The following PLCB1 variants were observed in gnomAD, a reference collection of about 807,000 sequenced individuals.
The protein encoded by PLCB1 is 1-phosphatidylinositol 4,5-bisphosphate phosphodiesterase beta-1.
PLCB1 carries 46 observed loss-of-function variants against 161.8 expected under a neutral mutation model. The ratio of observed to expected loss-of-function variants is 0.28; its 90% CI spans 0.22 to 0.36. The LOEUF (loss-of-function observed/expected upper bound fraction) is 0.36, where lower values mean the gene tolerates loss of function less well. Ranked by LOEUF, PLCB1 falls within the 10% of genes least tolerant of loss-of-function variation. PLCB1 has a pLI of 1.00. For missense variants in PLCB1, 1,016 were observed against 1,472.5 expected, an observed-to-expected ratio of 0.69 and a Z score of 5.07; for synonymous variants, 517 against 503.7, an observed-to-expected ratio of 1.03 and a Z score of -0.35.
intron 3 of PLCB1, among the ~76,000 whole-genome samples, chr20:8,384,225 C>T (rs1987352661): frequency 6.6e-6 from 1 of 151,962 alleles, no homozygotes; most frequent in South Asian, 2.1e-4. Context: ...TGTTCCTTTT[C>T]ATTATTTTTT....
At position 8,609,910 on chromosome 20, in the gene PLCB1, C is replaced by A. The variant is rs542962543; in HGVS notation, c.247-18384C>A. Reference sequence around the variant, plus strand: ...TAGGGTGAATATCTGTATTTGCACACCAATAAATTAACCCTTCTAATGTAA... The same window carrying A: ...TAGGGTGAATATCTGTATTTGCACAACAATAAATTAACCCTTCTAATGTAA... On this transcript the variant is annotated intron_variant, in intron 3 of 31. Coordinates refer to ENST00000338037, the MANE Select transcript of PLCB1 (RefSeq NM_015192.4). 1.0e-3 allele frequency among the ~76,000 whole-genome samples: 157 copies of A among 152,156 alleles called. 1 individual carries two copies. The highest frequency in any genetic ancestry group is 3.7e-3 in the African/African-American group (154 of 41,504).
At chr20:8,256,697 T>C (rs963648127) in intron 2 of PLCB1, 4 of 152,004 alleles carry the variant, frequency 2.6e-5, no homozygotes, top group Admixed American at 1.3e-4. Context: ...AGTCAACTTA[T>C]CAGATGCTCT....
At chr20:8,242,641 A>G (rs1980680599) in intron 2 of PLCB1, among the ~76,000 whole-genome samples, 1 of 151,880 alleles carries the variant, frequency 6.6e-6, no homozygotes, top group Admixed American at 6.6e-5. Flanking sequence ...GGGATACATT[A>G]GTCGACTTAG....
chr20:8,708,163 T>C (rs1978795052), intron 11 of PLCB1, among the ~76,000 whole-genome samples: 1 of 152,136 alleles, frequency 6.6e-6, no homozygotes, highest in Non-Finnish European at 1.5e-5. Context: ...ACACTTTCAA[T>C]GGGCAGATTA....
At chr20:8,543,250 A>T (rs949174649) in intron 3 of PLCB1, among the ~76,000 whole-genome samples, 1 of 152,202 alleles carries the variant, frequency 6.6e-6, no homozygotes, top group Admixed American at 6.5e-5. Context: ...TTAATGGGAG[A>T]TTATGTAAGA....
At chr20:8,169,641 G>A (rs145363192) in intron 2 of PLCB1, among the ~76,000 whole-genome samples, 71 of 152,278 alleles carry the variant, frequency 4.7e-4, no homozygotes, top group African/African-American at 1.7e-3. Context: ...TCAGGTTGCA[G>A]ATAATACTGC....
At chr20:8,504,446 T>G (rs942985258) in intron 3 of PLCB1, among the ~76,000 whole-genome samples, 1 of 152,252 alleles carries the variant, frequency 6.6e-6, no homozygotes, top group Non-Finnish European at 1.5e-5. Context: ...AAATATTTTC[T>G]GAAAAATATA....
At chr20:8,703,583 G>C (rs1026789496) in intron 11 of PLCB1, among the ~76,000 whole-genome samples, 1 of 152,178 alleles carries the variant, frequency 6.6e-6, no homozygotes, top group Non-Finnish European at 1.5e-5. Flanking sequence ...GCAGAGAAGG[G>C]AACAGCAGAT....
At chr20:8,505,464 A>G (rs924544956) in intron 3 of PLCB1, among the ~76,000 whole-genome samples, 11 of 152,206 alleles carry the variant, frequency 7.2e-5, no homozygotes, top group African/African-American at 2.7e-4. Context: ...GTAAAGCAAC[A>G]TGTATGGTTC....
intron 27 of PLCB1, among the ~76,000 whole-genome samples, chr20:8,783,898 C>T (rs996065128): frequency 7.9e-5 from 12 of 152,084 alleles, no homozygotes; most frequent in African/African-American, 2.4e-4. Flanking sequence ...TTAATGCCTC[C>T]CCTGGACCAA....
At chr20:8,572,112 T>A (rs1986541231) in intron 3 of PLCB1, among the ~76,000 whole-genome samples, 1 of 152,204 alleles carries the variant, frequency 6.6e-6, no homozygotes, top group Non-Finnish European at 1.5e-5. Context: ...TAAAATGCCA[T>A]TTTAATCATT....
intron 2 of PLCB1, among the ~76,000 whole-genome samples, chr20:8,339,826 A>G (rs1985730982): frequency 6.6e-6 from 1 of 152,188 alleles, no homozygotes; most frequent in African/African-American, 2.4e-5. Flanking sequence ...TAATGGGGCC[A>G]GGCACTGTGG....
chr20:8,834,334 A>G (rs1335276518), intron 31 of PLCB1, among the ~76,000 whole-genome samples: 1 of 152,160 alleles, frequency 6.6e-6, no homozygotes, highest in East Asian at 1.9e-4. Context: ...TTCACCGAGA[A>G]GGTGACCTCC....
intron 3 of PLCB1, among the ~76,000 whole-genome samples, chr20:8,409,145 A>G (rs1978923742): frequency 6.6e-6 from 1 of 152,214 alleles, no homozygotes; most frequent in Admixed American, 6.5e-5. Flanking sequence ...AACCCAGTGG[A>G]CATAAAGTCA....
At chr20:8,578,525 C>A (rs1467872832) in intron 3 of PLCB1, among the ~76,000 whole-genome samples, 2 of 152,152 alleles carry the variant, frequency 1.3e-5, no homozygotes. Flanking sequence ...GAGTTATTTG[C>A]AAGAAGAGTA....
chr20:8,726,561 A>C lies in PLCB1; in HGVS notation c.1679-748A>C, dbSNP rs139659867. Among the ~76,000 whole-genome samples the C allele has an allele frequency of 1.2e-4, 18 of 152,236 alleles. No homozygotes were observed. The East Asian group carries it at 3.5e-3, about 29-fold the overall frequency. ...GGGCAGCAGGAGAGAGAATGAGTAC[A>C]GGCAAGGGAAATGCCAGATGCTTAT... is the stretch of plus-strand genomic sequence containing the variant. On this transcript the variant is annotated intron_variant, in intron 16 of 31. Coordinates refer to ENST00000338037, the MANE Select transcript of PLCB1 (RefSeq NM_015192.4).
intron 10 of PLCB1, among the ~76,000 whole-genome samples, chr20:8,694,942 T>C (rs1463057639): frequency 3.9e-5 from 6 of 152,220 alleles, no homozygotes; most frequent in Non-Finnish European, 8.8e-5. Flanking sequence ...AAATAACATA[T>C]AAATGTTTGT....
intron 3 of PLCB1, among the ~76,000 whole-genome samples, chr20:8,494,189 G>T (rs1461795372): frequency 2.6e-5 from 4 of 152,196 alleles, no homozygotes; most frequent in Non-Finnish European, 5.9e-5. Flanking sequence ...GAATTAAAAA[G>T]TAGTGTCTTG....
intron 3 of PLCB1, among the ~76,000 whole-genome samples, chr20:8,460,997 C>G (rs980732767): frequency 6.6e-6 from 1 of 152,046 alleles, no homozygotes; most frequent in African/African-American, 2.4e-5. Flanking sequence ...GGCCACTTGC[C>G]CGATGTGGTT....
Sources: allele counts gnomAD v4.1 joint callset (sites outside exome capture counted in the v4.1 genomes callset), GRCh38; gene constraint gnomAD v4.1.1; transcripts MANE v1.5; gene names NCBI Gene and HGNC (gene_info 2026-07-23, HGNC 2026-07-21).